TBC1D22A: variants seen among roughly 807,000 people sequenced by gnomAD.
TBC1D22A encodes TBC1 domain family member 22A, also known as putative GTPase activator.
A neutral mutation model predicts 60.2 loss-of-function variants in TBC1D22A; 38 were observed. The observed-to-expected ratio is 0.63, with a 90% CI of 0.49 to 0.83. The LOEUF (loss-of-function observed/expected upper bound fraction) is 0.83. Among genes scored for constraint, TBC1D22A ranks in the 40% least tolerant of loss-of-function variants. The pLI is 0.00. For missense variants in TBC1D22A, 628 were observed against 701.0 expected (o/e 0.90, Z 1.18); for synonymous variants, 302 against 281.7 (o/e 1.07, Z -0.72).
chr22:46,882,428 T>A (rs2067898362), intron 5 of TBC1D22A, among the ~76,000 whole-genome samples: 1 of 152,144 alleles, frequency 6.6e-6, no homozygotes, highest in Non-Finnish European at 1.5e-5. Flanking sequence ...TGAAGACGGC[T>A]GCTCTAAGAC....
intron 9 of TBC1D22A, among the ~76,000 whole-genome samples, chr22:46,995,118 A>G (rs959784422): frequency 3.9e-5 from 6 of 152,174 alleles, no homozygotes; most frequent in African/African-American, 1.4e-4. Context: ...GAGGCCTCCA[A>G]GCTTCTCCCT....
At chr22:47,161,023 G>A (rs1156443664) in intron 12 of TBC1D22A, among the ~76,000 whole-genome samples, 3 of 152,196 alleles carry the variant, frequency 2.0e-5, no homozygotes, top group Admixed American at 6.5e-5. Flanking sequence ...CTGGGAAGAA[G>A]GGGGGCAGCC....
At chr22:46,973,525 C>T (rs184142660) in intron 8 of TBC1D22A, among the ~76,000 whole-genome samples, 6 of 152,188 alleles carry the variant, frequency 3.9e-5, no homozygotes, top group East Asian at 3.9e-4. Flanking sequence ...TCTTAAAGAA[C>T]GTTTTCCTTG....
At chr22:47,010,256 A>AC (rs1301613663) in intron 10 of TBC1D22A, among the ~76,000 whole-genome samples, 1 of 152,098 alleles carries the variant, frequency 6.6e-6, no homozygotes, top group Non-Finnish European at 1.5e-5. Context: ...TATTTTTATT[A>AC]CCCCTACAAA....
chr22:46,966,837 G>A (rs1404571982), intron 8 of TBC1D22A, among the ~76,000 whole-genome samples: 1 of 152,230 alleles, frequency 6.6e-6, no homozygotes, highest in African/African-American at 2.4e-5. Context: ...CCTGCTTTGG[G>A]TTTTGGGGTT....
At position 47,038,520 on chromosome 22, in the gene TBC1D22A, C is replaced by T. The variant is rs1031366191; in HGVS notation, c.1329+1322C>T. Among the ~76,000 whole-genome samples, 6 of 152,332 alleles carry T rather than the reference C, an allele frequency of 3.9e-5. No individual in the cohort carries two copies. In the South Asian group the frequency reaches 1.0e-3, roughly 26 times the overall value. On this transcript the variant is annotated intron_variant, in intron 11 of 12. Coordinates refer to ENST00000337137, the MANE Select transcript of TBC1D22A (RefSeq NM_014346.5). ...GCTGCTCCCACAGGGCCTCAGGCTG[C>T]GTGCGTTCTTCCCACAGGACAGGGT... is the stretch of plus-strand genomic sequence containing the variant.
rs561195283 is a variant in TBC1D22A, at chr22:46,953,835, A to G, written c.1016-20455A>G. On this transcript the variant is annotated intron_variant, in intron 8 of 12. Transcript: ENST00000337137. ...TTTACCTCTATCAGGTGCTTTGTTC[A>G]GCTTAGCTGTGCATGTGTGTGATTC... 8.5e-5 allele frequency among the ~76,000 whole-genome samples: 13 copies of G among 152,326 alleles called. 1 individual carries two copies. In the South Asian group the frequency reaches 2.7e-3, roughly 32 times the overall value.
rs146531472 is a variant in TBC1D22A, at chr22:46,977,179, C to T, written c.1125+2780C>T. Among the ~76,000 whole-genome samples, 393 of 152,234 alleles carry T rather than the reference C, an allele frequency of 2.6e-3. 6 individuals carry two copies. The highest frequency in any genetic ancestry group is 4.2e-3 in the Non-Finnish European group (285 of 68,026). On this transcript the variant is annotated intron_variant, in intron 9 of 12. Coordinates refer to ENST00000337137, the MANE Select transcript of TBC1D22A (RefSeq NM_014346.5). ...TAGCTGAAATACATAGAAGTGAGTC[C>T]CATTTGCAGGGAAGTTCTAGAGGGC...
At chr22:47,171,628 A>C (rs2068456046) in intron 12 of TBC1D22A, among the ~76,000 whole-genome samples, 1 of 151,764 alleles carries the variant, frequency 6.6e-6, no homozygotes, top group Non-Finnish European at 1.5e-5. Context: ...TCTGATCCCT[A>C]CTTCTGCCAA....
chr22:47,166,762 C>T (rs1304604736), intron 12 of TBC1D22A, among the ~76,000 whole-genome samples: 1 of 152,262 alleles, frequency 6.6e-6, no homozygotes, highest in African/African-American at 2.4e-5. Flanking sequence ...ACCCAGTGAA[C>T]ACCTGCAGTG....
chr22:47,058,014 A>G (rs1453772299), intron 11 of TBC1D22A, among the ~76,000 whole-genome samples: 8 of 152,204 alleles, frequency 5.3e-5, no homozygotes, highest in African/African-American at 1.9e-4. Flanking sequence ...GCACCAGCGC[A>G]GGGCCTCGAC....
chr22:46,812,889 A>G (rs2085442156), intron 4 of TBC1D22A, among the ~76,000 whole-genome samples: 1 of 152,078 alleles, frequency 6.6e-6, no homozygotes, highest in Admixed American at 6.5e-5. Flanking sequence ...AAGCCATTTG[A>G]TGCTTCTTTT....
intron 1 of TBC1D22A, among the ~76,000 whole-genome samples, chr22:46,790,289 G>A (rs567812947): frequency 5.9e-5 from 9 of 152,302 alleles, no homozygotes; most frequent in East Asian, 1.9e-4. Context: ...GACCTTCCGC[G>A]GTCTCTTCTG....
chr22:46,928,058 G>T (rs2147874939), intron 8 of TBC1D22A, among the ~76,000 whole-genome samples: 1 of 151,294 alleles, frequency 6.6e-6, no homozygotes, highest in Middle Eastern at 3.4e-3. Context: ...CTTCTTAGCA[G>T]AAATTGTCGA....
At chr22:46,793,426 C>G in intron 2 of TBC1D22A, 75 bp from the exon 3 acceptor site, 2 of 1,443,820 alleles carry the variant, frequency 1.4e-6, no homozygotes, top group Non-Finnish European at 1.9e-6. Flanking sequence ...GTCTTTTCAC[C>G]TGGGAATTCT....
At chr22:47,097,564 T>C (rs986175762) in intron 11 of TBC1D22A, among the ~76,000 whole-genome samples, 2 of 151,870 alleles carry the variant, frequency 1.3e-5, no homozygotes, top group Non-Finnish European at 2.9e-5. Context: ...TGAGCTGAGA[T>C]TGCACCACTG....
rs146099920 is a variant in TBC1D22A at position 47,069,041 on chromosome 22, AAT to A, written c.1329+31846_1329+31847del. ...TATTTTTAGTCCTGGATAGTTAATA[AAT>A]ATCACTTGGGGCTGTTTTTCAACCC... On this transcript the variant is annotated intron_variant, in intron 11 of 12. Transcript: ENST00000337137. Among the ~76,000 whole-genome samples the A allele has an allele frequency of 3.2e-3, 483 of 152,320 alleles. 2 individuals carry two copies. The highest frequency in any genetic ancestry group is 0.011 in the African/African-American group (445 of 41,558).
chr22:47,081,823 T>C (rs947331573), intron 11 of TBC1D22A, among the ~76,000 whole-genome samples: 9 of 151,608 alleles, frequency 5.9e-5, no homozygotes, highest in African/African-American at 9.7e-5. Flanking sequence ...TATGGTGAGA[T>C]ATACCATGTT....
chr22:46,873,370 G>T (rs537152264), intron 4 of TBC1D22A, among the ~76,000 whole-genome samples: 74 of 152,218 alleles, frequency 4.9e-4, no homozygotes, highest in African/African-American at 1.8e-3. Context: ...TACTAGAATG[G>T]CTAAAATAAA....
Sources: gnomAD v4.1 joint callset for allele counts (sites outside exome capture counted in the v4.1 genomes callset) on GRCh38, gnomAD v4.1.1 for gene constraint, MANE v1.5 for transcripts, NCBI Gene and HGNC (gene_info 2026-07-23, HGNC 2026-07-21) for gene names.